TENM2: variants seen among roughly 807,000 people sequenced by gnomAD.
TENM2 encodes the protein teneurin-2.
Under a neutral mutation model 245.2 loss-of-function variants are expected in TENM2, and 52 were observed. That is an observed-to-expected ratio of 0.21 (90% CI 0.17 to 0.27). The LOEUF (loss-of-function observed/expected upper bound fraction) is 0.27. Ranked by LOEUF, TENM2 falls within the 10% of genes least tolerant of loss-of-function variation. The probability of loss-of-function intolerance (pLI) is 1.00; values close to 1 mark genes in which losing one functional copy is unlikely to be tolerated. For synonymous variants in TENM2, 1,363 were observed against 1,438.9 expected, an observed-to-expected ratio of 0.95 and a Z score of 1.19; for missense variants, 3,046 against 3,666.8, an observed-to-expected ratio of 0.83 and a Z score of 4.37.
At chr5:167,448,249 G>A (rs1260146273) in intron 2 of TENM2, among the ~76,000 whole-genome samples, 1 of 152,020 alleles carries the variant, frequency 6.6e-6, no homozygotes, top group Non-Finnish European at 1.5e-5. Context: ...GATGTGAAAG[G>A]GGAGTTAGTG....
At chr5:167,312,139 A>C (rs1202667915) in intron 1 of TENM2, among the ~76,000 whole-genome samples, 1 of 152,202 alleles carries the variant, frequency 6.6e-6, no homozygotes, top group Non-Finnish European at 1.5e-5. Flanking sequence ...GCATAAATAT[A>C]CGTATGTTAG....
chr5:167,353,754 G>A (rs1446338195), intron 1 of TENM2, among the ~76,000 whole-genome samples: 9 of 151,808 alleles, frequency 5.9e-5, no homozygotes, highest in South Asian at 2.1e-4. Flanking sequence ...TGATCCGCCC[G>A]CCTCGGCCTC....
intron 1 of TENM2, among the ~76,000 whole-genome samples, chr5:167,374,462 G>A (rs1760622912): frequency 6.6e-6 from 1 of 152,058 alleles, no homozygotes; most frequent in Admixed American, 6.6e-5. Flanking sequence ...TATTAAAAAC[G>A]ACTAGTTTGG....
chr5:167,905,555 A>C (rs979061602), intron 3 of TENM2, among the ~76,000 whole-genome samples: 1 of 152,212 alleles, frequency 6.6e-6, no homozygotes, highest in Non-Finnish European at 1.5e-5. Flanking sequence ...AGAAATCCCT[A>C]TGAGACCTTT....
the TENM2 span, among the ~76,000 whole-genome samples, chr5:167,028,773 T>C: frequency 2.0e-5 from 3 of 152,102 alleles, no homozygotes; most frequent in African/African-American, 7.2e-5. Context: ...GTAAGGTAAC[T>C]AAAGACACTA....
At chr5:168,248,655 G>C (rs533702103) in intron 27 of TENM2, among the ~76,000 whole-genome samples, 1 of 152,376 alleles carries the variant, frequency 6.6e-6, no homozygotes, top group South Asian at 2.1e-4. Context: ...GCAGTAAGAA[G>C]CGGGGAGAGA....
At chr5:167,431,141 A>G (rs545808263) in intron 2 of TENM2, among the ~76,000 whole-genome samples, 3 of 152,334 alleles carry the variant, frequency 2.0e-5, no homozygotes, top group Admixed American at 6.5e-5. Flanking sequence ...TAATATTACT[A>G]TGAAATTTTC....
chr5:167,640,892 T>A lies in TENM2; in HGVS notation c.503-235094T>A, dbSNP rs573374090. On this transcript the variant is annotated intron_variant, in intron 2 of 28. Transcript: ENST00000518659. ...ATATATATATATATATATATATATA[T>A]ATATATATATATATCTTTCTCTTAA... Among the ~76,000 whole-genome samples, 34 of 96,224 alleles carry A rather than the reference T, an allele frequency of 3.5e-4. 1 individual carries two copies. In the South Asian group the frequency reaches 0.011, roughly 32 times the overall value. The allele number at this position is 96,224 out of a possible 152,430, so 63.1% of individuals were successfully genotyped here. A position where few individuals can be genotyped will look rare whatever the true frequency, so the allele number is the denominator to read the frequency against.
chr5:167,691,921 A>T (rs1253904337), intron 2 of TENM2, among the ~76,000 whole-genome samples: 6 of 152,176 alleles, frequency 3.9e-5, no homozygotes, highest in Non-Finnish European at 7.3e-5. Flanking sequence ...AGTAGTTTGG[A>T]CCTGAGATCT....
intron 2 of TENM2, among the ~76,000 whole-genome samples, chr5:167,850,263 G>C (rs1349912943): frequency 6.6e-6 from 1 of 152,172 alleles, no homozygotes; most frequent in Admixed American, 6.5e-5. Context: ...TGTTCACAGG[G>C]TCCAGGAATT....
At chr5:168,178,419 T>C (rs529225224) in intron 13 of TENM2, among the ~76,000 whole-genome samples, 1 of 152,264 alleles carries the variant, frequency 6.6e-6, no homozygotes, top group African/African-American at 2.4e-5. Flanking sequence ...AGGCCCCTGC[T>C]CTCTGTTGCC....
At chr5:167,577,101 G>A (rs528484678) in intron 2 of TENM2, among the ~76,000 whole-genome samples, 1 of 152,244 alleles carries the variant, frequency 6.6e-6, no homozygotes, top group South Asian at 2.1e-4. Context: ...AAATGACAAA[G>A]ACGTCCCAGA....
At chr5:167,014,194 A>T in the TENM2 span, among the ~76,000 whole-genome samples, 1 of 125,554 alleles carries the variant, frequency 8.0e-6, no homozygotes, top group East Asian at 2.4e-4. Flanking sequence ...CTGGACAGGT[A>T]TTTTTAGACC....
At chr5:167,707,693 T>C (rs1758625853) in intron 2 of TENM2, among the ~76,000 whole-genome samples, 1 of 152,218 alleles carries the variant, frequency 6.6e-6, no homozygotes. Context: ...ACTGCCTGAA[T>C]GCCGTCTAGA....
chr5:167,872,536 GAAA>G (rs1773036167), intron 2 of TENM2, among the ~76,000 whole-genome samples: 3 of 50,700 alleles, frequency 5.9e-5, no homozygotes, highest in Non-Finnish European at 1.6e-4. Context: ...AAGAAAGAAA[GAAA>G]GAAAGAAAGA....
rs764010864 is a variant in TENM2, at chr5:167,483,923, T to C, written c.502+108450T>C. 4.5e-4 allele frequency among the ~76,000 whole-genome samples: 68 copies of C among 152,228 alleles called. 2 individuals are homozygous for C. The highest frequency in any genetic ancestry group is 4.8e-5 in the African/African-American group (2 of 41,470). ...AGTTTGGCAGTTTGACATTTCATGG[T>C]AGCCTCAGACAGAAGTTAATTTCGA... On this transcript the variant is annotated intron_variant, in intron 2 of 28. Coordinates refer to ENST00000518659, the Ensembl canonical transcript of TENM2.
At chr5:167,619,897 A>G (rs1164631641) in intron 2 of TENM2, among the ~76,000 whole-genome samples, 1 of 152,146 alleles carries the variant, frequency 6.6e-6, no homozygotes, top group Non-Finnish European at 1.5e-5. Context: ...GCTTCATGGT[A>G]GGTGGACAAA....
intron 2 of TENM2, among the ~76,000 whole-genome samples, chr5:167,414,410 A>G (rs1320491817): frequency 2.6e-5 from 4 of 152,178 alleles, no homozygotes; most frequent in African/African-American, 4.8e-5. Context: ...AATGAGGAAT[A>G]TTAGGAAATG....
chr5:167,936,592 A>T (rs1778739800), intron 3 of TENM2, among the ~76,000 whole-genome samples: 1 of 152,184 alleles, frequency 6.6e-6, no homozygotes. Flanking sequence ...CCATTGAAGC[A>T]AGTCTATCCT....
Sources: allele counts gnomAD v4.1 joint callset (sites outside exome capture counted in the v4.1 genomes callset), GRCh38; gene constraint gnomAD v4.1.1; transcripts MANE v1.5; gene names NCBI Gene and HGNC (gene_info 2026-07-23, HGNC 2026-07-21).